The following ENTPD1 variants were observed in gnomAD, a reference collection of about 807,000 sequenced individuals.
ENTPD1 encodes ectonucleoside triphosphate diphosphohydrolase 1.
Under a neutral mutation model 57.0 loss-of-function variants are expected in ENTPD1, and 33 were observed. The observed-to-expected ratio is 0.58, with a 90% CI of 0.44 to 0.77. The LOEUF (loss-of-function observed/expected upper bound fraction) is 0.77. Ranked by LOEUF, ENTPD1 falls within the 30% of genes least tolerant of loss-of-function variation. The pLI, the probability that ENTPD1 is intolerant of heterozygous loss-of-function variation, is 0.00. For missense variants in ENTPD1, 501 were observed against 603.4 expected, an observed-to-expected ratio of 0.83 and a Z score of 1.78; for synonymous variants, 202 against 218.8, an observed-to-expected ratio of 0.92 and a Z score of 0.68.
chr10:95,863,966 A>T (rs2098469672), intron 8 of ENTPD1, among the ~76,000 whole-genome samples: 1 of 152,150 alleles, frequency 6.6e-6, no homozygotes, highest in Non-Finnish European at 1.5e-5. Context: ...GGCTGTGGGT[A>T]TCTGGGTGTA....
chr10:95,864,220 G>A (rs116257016), intron 8 of ENTPD1, among the ~76,000 whole-genome samples: 5,716 of 152,270 alleles, frequency 0.038, 131 homozygotes, highest in Non-Finnish European at 0.05. Flanking sequence ...TACTGTGCAC[G>A]TGAATCACCT....
intron 1 of ENTPD1, among the ~76,000 whole-genome samples, chr10:95,801,766 G>T (rs1435052210): frequency 6.6e-6 from 1 of 152,104 alleles, no homozygotes; most frequent in Non-Finnish European, 1.5e-5. Flanking sequence ...ATAGCGTGAT[G>T]CCTCCAGCTT....
chr10:95,838,944 T>G (rs1445312655), intron 2 of ENTPD1, among the ~76,000 whole-genome samples: 1 of 151,888 alleles, frequency 6.6e-6, no homozygotes, highest in Non-Finnish European at 1.5e-5. Flanking sequence ...TCTTTTCATC[T>G]CCCCCTACTC....
At chr10:95,814,563 C>G (rs560213309) in intron 1 of ENTPD1, among the ~76,000 whole-genome samples, 1 of 152,142 alleles carries the variant, frequency 6.6e-6, no homozygotes, top group East Asian at 1.9e-4. Flanking sequence ...GCACCCCCAC[C>G]CACATCTACA....
intron 1 of ENTPD1, among the ~76,000 whole-genome samples, chr10:95,793,809 A>C (rs2098215635): frequency 6.6e-6 from 1 of 152,114 alleles, no homozygotes; most frequent in Non-Finnish European, 1.5e-5. Context: ...CAAGCAGAAG[A>C]AACCAGAACT....
At chr10:95,762,160 GTGTTTCCT>G (rs2098066565) in intron 1 of ENTPD1, among the ~76,000 whole-genome samples, 1 of 148,948 alleles carries the variant, frequency 6.7e-6, no homozygotes, top group Non-Finnish European at 1.5e-5. Context: ...ACACAAAGAG[GTGTTTCCT>G]TCCATAACCA....
chr10:95,810,129 C>A (rs1484413597), intron 1 of ENTPD1, among the ~76,000 whole-genome samples: 2 of 150,042 alleles, frequency 1.3e-5, no homozygotes, highest in East Asian at 4.0e-4. Context: ...GCGCTCCTCA[C>A]CTCCCGGACG....
At chr10:95,826,973 G>C (rs1273849481) in intron 2 of ENTPD1, among the ~76,000 whole-genome samples, 1 of 152,154 alleles carries the variant, frequency 6.6e-6, no homozygotes, top group African/African-American at 2.4e-5. Flanking sequence ...TGGATAATCA[G>C]ATTTGGACCT....
intron 7 of ENTPD1, among the ~76,000 whole-genome samples, chr10:95,854,245 G>A (rs961787602): frequency 7.9e-5 from 12 of 152,150 alleles, no homozygotes; most frequent in African/African-American, 2.9e-4. Context: ...ATTCTCTGAT[G>A]GTAGTTTGTA....
chr10:95,766,450 T>C (rs1332005433), intron 1 of ENTPD1, among the ~76,000 whole-genome samples: 5 of 152,226 alleles, frequency 3.3e-5, no homozygotes. Flanking sequence ...CTAACAGTGC[T>C]TCAAATAATA....
At chr10:95,703,624 AT>A in the ENTPD1 span, among the ~76,000 whole-genome samples, 1 of 151,600 alleles carries the variant, frequency 6.6e-6, no homozygotes, top group Non-Finnish European at 1.5e-5. Flanking sequence ...TCTACTGAAA[AT>A]ACAAAAATTA....
At chr10:95,716,078 C>G (rs1314690794) in intron 1 of ENTPD1, among the ~76,000 whole-genome samples, 1 of 152,148 alleles carries the variant, frequency 6.6e-6, no homozygotes, top group African/African-American at 2.4e-5. Context: ...GTGGCCCATG[C>G]TGGTCTTAAA....
chr10:95,818,135 G>A (rs574974632), intron 1 of ENTPD1, among the ~76,000 whole-genome samples: 11 of 152,314 alleles, frequency 7.2e-5, no homozygotes, highest in African/African-American at 1.4e-4. Context: ...AAGACTTGGA[G>A]AATGAGGGGA....
At position 95,866,305 on chromosome 10, in the gene ENTPD1, C is replaced by T. The variant is rs770445251; in HGVS notation, c.1455C>T (p.Ser485=). The change falls in exon 10 of 10, where the codon TCC becomes TCT. Residue 485 remains serine (S), a synonymous_variant. Transcript: ENST00000371205. ...STYVFLMVLF[S]LVLFTVAIIG... is the part of the protein sequence containing the mutation. ...ATGTCTTCCTCATGGTTCTATTCTC[C>T]CTGGTCCTTTTCACAGTGGCCATCA... 1.6e-5 allele frequency: 26 copies of T among 1,614,192 alleles called. No individual in the cohort carries two copies. The South Asian group carries it at 2.7e-4, about 17-fold the overall frequency.
chr10:95,712,072 T>C, intron 1 of ENTPD1: 1 of 1,595,408 alleles, frequency 6.3e-7, no homozygotes, highest in Non-Finnish European at 8.6e-7. Context: ...AAAATCACTG[T>C]TTGTCTCATT....
intron 2 of ENTPD1, among the ~76,000 whole-genome samples, chr10:95,837,413 A>G (rs1469169718): frequency 6.6e-6 from 1 of 152,166 alleles, no homozygotes; most frequent in Non-Finnish European, 1.5e-5. Context: ...CCCAGACCTT[A>G]GTCAGTGTTC....
intron 1 of ENTPD1, among the ~76,000 whole-genome samples, chr10:95,784,837 C>G (rs1196312780): frequency 6.6e-6 from 1 of 152,154 alleles, no homozygotes; most frequent in Non-Finnish European, 1.5e-5. Context: ...TTCACTCCAT[C>G]AGGCCAGGAC....
chr10:95,727,865 T>C (rs1282217225), intron 1 of ENTPD1, among the ~76,000 whole-genome samples: 2 of 152,190 alleles, frequency 1.3e-5, no homozygotes, highest in African/African-American at 4.8e-5. Flanking sequence ...TCTAAACAAA[T>C]CTAGAATTTT....
At chr10:95,819,257 G>A (rs1030048263) in intron 1 of ENTPD1, among the ~76,000 whole-genome samples, 2 of 152,066 alleles carry the variant, frequency 1.3e-5, no homozygotes, top group African/African-American at 4.8e-5. Context: ...TCGGTGTCCT[G>A]GGCTCAAGCG....
Sources: allele counts gnomAD v4.1 joint callset (sites outside exome capture counted in the v4.1 genomes callset), GRCh38; gene constraint gnomAD v4.1.1; transcripts MANE v1.5; gene names NCBI Gene and HGNC (gene_info 2026-07-23, HGNC 2026-07-21).